Variants in USP38 observed in about 807,000 individuals in gnomAD.
USP38 encodes the protein ubiquitin specific peptidase 38.
A neutral mutation model predicts 94.3 loss-of-function variants in USP38; 49 were observed. That is an observed-to-expected ratio of 0.52 (90% CI 0.41 to 0.66). The LOEUF is 0.66. USP38 is among the 30% of genes least tolerant of loss of function. The probability of loss-of-function intolerance (pLI) is 0.00; values close to 1 mark genes in which losing one functional copy is unlikely to be tolerated. For synonymous variants in USP38, 468 were observed against 463.6 expected (o/e 1.01, Z -0.12); for missense variants, 1,128 against 1,229.4 (o/e 0.92, Z 1.23).
At chr4:143,204,574 A>T in intron 5 of USP38, 1 of 349,280 alleles carries the variant, frequency 2.9e-6, no homozygotes, top group Non-Finnish European at 5.6e-6. Context: ...TTTTTTGTAG[A>T]GTCGGGGCCT....
rs147512646 is a variant in USP38, at chr4:143,185,278, G to A, written c.-173G>A. The stretch of plus-strand genomic sequence containing the variant: ...GCTCGCTAGCTCCCGCCCCGGCTTG[G>A]ATGGGTCTCCCTGCGCCATAAATGT... On this transcript the variant is annotated 5_prime_UTR_variant, in exon 1 of 10. Coordinates refer to ENST00000307017, the MANE Select transcript of USP38 (RefSeq NM_032557.6). The A allele has an allele frequency of 5.6e-4, 401 of 715,750 alleles. 3 individuals carry two copies. In the Middle Eastern group the frequency reaches 6.4e-3, roughly 11 times the overall value. The allele number at this position is 715,750 out of a possible 1,614,324, so 44.3% of individuals were successfully genotyped here. A position where few individuals can be genotyped will look rare whatever the true frequency, so the allele number is the denominator to read the frequency against.
intron 6 of USP38, among the ~76,000 whole-genome samples, chr4:143,208,481 A>G (rs1360612754): frequency 6.6e-6 from 1 of 152,106 alleles, no homozygotes; most frequent in Admixed American, 6.6e-5. Flanking sequence ...TTGTACCTAG[A>G]ACCTGTACCT....
At chr4:143,201,477 AG>A (rs1354819248) in intron 4 of USP38, among the ~76,000 whole-genome samples, 2 of 152,192 alleles carry the variant, frequency 1.3e-5, no homozygotes, top group African/African-American at 2.4e-5. Context: ...TCCTTAATCT[AG>A]TAGTGGGTAA....
chr4:143,211,475 C>T (rs1732021994), intron 7 of USP38, among the ~76,000 whole-genome samples: 1 of 152,080 alleles, frequency 6.6e-6, no homozygotes, highest in South Asian at 2.1e-4. Flanking sequence ...AAGCAAGCAG[C>T]AGGGTTGAGA....
intron 2 of USP38, among the ~76,000 whole-genome samples, chr4:143,191,907 A>G (rs1731406525): frequency 6.6e-6 from 1 of 152,274 alleles, no homozygotes; most frequent in Non-Finnish European, 1.5e-5. Flanking sequence ...ATAGTTAACC[A>G]TAAAAATAGC....
intron 3 of USP38, among the ~76,000 whole-genome samples, chr4:143,197,494 C>T (rs937474491): frequency 6.6e-6 from 1 of 152,052 alleles, no homozygotes; most frequent in African/African-American, 2.4e-5. Context: ...AGAACTAGGA[C>T]AAGTAATAGT....
intron 9 of USP38, chr4:143,215,500 T>A (rs888515220): frequency 6.6e-6 from 1 of 152,200 alleles, no homozygotes; most frequent in African/African-American, 2.4e-5. Context: ...AATTTATTCA[T>A]AAATATACTT....
intron 2 of USP38, among the ~76,000 whole-genome samples, chr4:143,193,150 A>G (rs1005633467): frequency 6.6e-6 from 1 of 152,138 alleles, no homozygotes; most frequent in South Asian, 2.1e-4. Context: ...TTTTATGTCC[A>G]TATTTACATA....
At chr4:143,192,295 G>C (rs1233069390) in intron 2 of USP38, among the ~76,000 whole-genome samples, 1 of 152,096 alleles carries the variant, frequency 6.6e-6, no homozygotes, top group Non-Finnish European at 1.5e-5. Flanking sequence ...CACAGTTCTG[G>C]AGGCTGGGAA....
At chr4:143,193,536 A>G (rs974014072) in intron 2 of USP38, among the ~76,000 whole-genome samples, 65 of 152,358 alleles carry the variant, frequency 4.3e-4, no homozygotes, top group Admixed American at 1.4e-3. Context: ...ATAGCTGTCA[A>G]GGACTATGTT....
intron 6 of USP38, 61 bp from the exon 7 acceptor site, chr4:143,209,503 G>C: frequency 1.0e-6 from 1 of 953,166 alleles, no homozygotes; most frequent in South Asian, 1.8e-5. Flanking sequence ...AAAAAAAAAA[G>C]CTTTTAATAA....
chr4:143,198,283 G>A (rs1448589498), intron 4 of USP38, among the ~76,000 whole-genome samples: 1 of 152,128 alleles, frequency 6.6e-6, no homozygotes, highest in Non-Finnish European at 1.5e-5. Flanking sequence ...GTCTTTGCAG[G>A]CTTTTCATTC....
At chr4:143,189,803 C>T (rs146936834) in intron 2 of USP38, among the ~76,000 whole-genome samples, 230 of 151,940 alleles carry the variant, frequency 1.5e-3, no homozygotes, top group Non-Finnish European at 2.7e-3. Context: ...TTGATGATCC[C>T]CTTGCTGTGT....
intron 2 of USP38, among the ~76,000 whole-genome samples, chr4:143,193,524 G>A (rs1364148191): frequency 6.6e-6 from 1 of 152,176 alleles, no homozygotes; most frequent in Non-Finnish European, 1.5e-5. Flanking sequence ...GGAAGACGTG[G>A]AATAGCTGTC....
chr4:143,194,209 A>G (rs1164859251), intron 2 of USP38, among the ~76,000 whole-genome samples: 1 of 152,206 alleles, frequency 6.6e-6, no homozygotes, highest in East Asian at 1.9e-4. Flanking sequence ...TGCCACATGT[A>G]TTAACATTTG....
chr4:143,197,784 C>T, intron 3 of USP38, 39 bp from the exon 4 acceptor site: 1 of 1,433,436 alleles, frequency 7.0e-7, no homozygotes, highest in South Asian at 1.2e-5. Flanking sequence ...AATGATTTTC[C>T]TGCAAATTCT....
intron 5 of USP38, among the ~76,000 whole-genome samples, chr4:143,205,615 T>C (rs1046905065): frequency 6.6e-6 from 1 of 152,208 alleles, no homozygotes; most frequent in Non-Finnish European, 1.5e-5. Flanking sequence ...GAGACATTTT[T>C]ATTACAAAAT....
At chr4:143,208,746 G>A (rs1179446868) in intron 6 of USP38, among the ~76,000 whole-genome samples, 2 of 151,630 alleles carry the variant, frequency 1.3e-5, no homozygotes, top group Non-Finnish European at 2.9e-5. Flanking sequence ...CAAATTTGTG[G>A]GGTGTTTTAT....
intron 1 of USP38, among the ~76,000 whole-genome samples, chr4:143,186,730 G>T (rs1052578158): frequency 2.6e-5 from 4 of 152,182 alleles, no homozygotes; most frequent in Non-Finnish European, 5.9e-5. Context: ...TTGTGCCCAT[G>T]AACTGCATTC....
Sources: allele counts gnomAD v4.1 joint callset (sites outside exome capture counted in the v4.1 genomes callset), GRCh38; gene constraint gnomAD v4.1.1; transcripts MANE v1.5; gene names NCBI Gene and HGNC (gene_info 2026-07-23, HGNC 2026-07-21).